Variants in CUBN observed in about 807,000 individuals in gnomAD.
CUBN encodes the protein cubilin.
Under a neutral mutation model 405.3 loss-of-function variants are expected in CUBN, and 282 were observed. The observed-to-expected ratio is 0.70, with a 90% CI of 0.63 to 0.77. The LOEUF is 0.77. CUBN is among the 30% of genes least tolerant of loss of function. The probability of loss-of-function intolerance (pLI) is 0.00; values close to 1 mark genes in which losing one functional copy is unlikely to be tolerated. For synonymous variants in CUBN, 1,684 were observed against 1,617.0 expected (o/e 1.04, Z -0.99); for missense variants, 4,514 against 4,475.2 (o/e 1.01, Z -0.25).
chr10:16,971,019 A>G (rs1832913910), intron 31 of CUBN, among the ~76,000 whole-genome samples: 1 of 152,208 alleles, frequency 6.6e-6, no homozygotes, highest in Non-Finnish European at 1.5e-5. Flanking sequence ...CCAAATTGTT[A>G]TAGAAGTTTT....
rs554198454 is a variant in CUBN at position 16,875,915 on chromosome 10, G to A, written c.9106+982C>T. ...CATCCTTCTCTTTATTCAACAAGAC[G>A]ACGGGAGAGGAAACGTTAATTGCGT... On this transcript the variant is annotated intron_variant, in intron 57 of 66. Coordinates refer to ENST00000377833, the MANE Select transcript of CUBN (RefSeq NM_001081.4). Among the ~76,000 whole-genome samples, 7 of 152,278 alleles carry A rather than the reference G, an allele frequency of 4.6e-5. No homozygotes were observed. The South Asian group carries it at 6.2e-4, about 14-fold the overall frequency.
Position 16,824,107 on chromosome 10 carries a change from T to C in CUBN, c.*868A>G, listed in dbSNP as rs1838703018. 1 of 152,216 alleles carries C rather than the reference T, an allele frequency of 6.6e-6. No homozygotes were observed. The highest frequency in any genetic ancestry group is 2.1e-4 in the South Asian group (1 of 4,832). 9.4% of individuals were successfully genotyped at this position (152,216 alleles called of 1,614,324 possible). A position where few individuals can be genotyped will look rare whatever the true frequency, so the allele number is the denominator to read the frequency against. On this transcript the variant is annotated 3_prime_UTR_variant, in exon 67 of 67. Transcript: ENST00000377833. ...GTCTGTCACCCAGGCTGGAGTACAGTGGTTAATTCACAGGGTTTCACTGCA... is the reference window on the plus strand; with the variant it reads ...GTCTGTCACCCAGGCTGGAGTACAGCGGTTAATTCACAGGGTTTCACTGCA...
At chr10:17,125,440 T>A (rs1837157872) in intron 4 of CUBN, among the ~76,000 whole-genome samples, 1 of 152,214 alleles carries the variant, frequency 6.6e-6, no homozygotes, top group African/African-American at 2.4e-5. Flanking sequence ...GGTCTCTTTA[T>A]GAACCCTGTT....
At chr10:17,124,233 T>C (rs1364019941) in intron 4 of CUBN, among the ~76,000 whole-genome samples, 2 of 152,058 alleles carry the variant, frequency 1.3e-5, no homozygotes, top group Non-Finnish European at 2.9e-5. Context: ...AAGACATATC[T>C]TTCACCCTGG....
At chr10:17,055,118 T>C (rs964593323) in intron 22 of CUBN, among the ~76,000 whole-genome samples, 6 of 151,990 alleles carry the variant, frequency 3.9e-5, no homozygotes, top group African/African-American at 9.7e-5. Context: ...TACACAAGAT[T>C]GGTTTGACAG....
chr10:17,065,588 A>C lies in CUBN; in HGVS notation c.3059T>G (p.Leu1020Trp). 1 of 1,613,736 alleles carries C rather than the reference A, an allele frequency of 6.2e-7. No individual in the cohort carries two copies. The highest frequency in any genetic ancestry group is 8.5e-7 in the Non-Finnish European group (1 of 1,179,662). The change falls in exon 22 of 67, where the codon TTG becomes TGG. Residue 1020 changes from leucine to tryptophan, a missense_variant. Physicochemically the swap from Leu to Trp is moderately conservative, Grantham distance 61. Transcript: ENST00000377833. ...GGAGTCAGTCACAAACACCAGCATC[A>C]ATGAGTTACCACTGCTTGTGAGAGA... ...PPSLTSSGNS[L>W]MLVFVTDSDL...
intron 14 of CUBN, among the ~76,000 whole-genome samples, chr10:17,097,975 T>G (rs1212324232): frequency 6.6e-6 from 1 of 152,106 alleles, no homozygotes; most frequent in Non-Finnish European, 1.5e-5. Flanking sequence ...ACCCATTGAG[T>G]ATGGCAGAAA....
intron 17 of CUBN, among the ~76,000 whole-genome samples, chr10:17,074,998 G>A (rs996149249): frequency 1.3e-5 from 2 of 151,760 alleles, no homozygotes; most frequent in Non-Finnish European, 2.9e-5. Flanking sequence ...ACATTTAAGC[G>A]GAGACTTGAA....
At position 17,085,725 on chromosome 10, in the gene CUBN, A is replaced by G. The variant is rs755293490; in HGVS notation, c.1982T>C (p.Leu661Pro). Residue 661 changes from leucine to proline, a missense_variant, in exon 16 of 67, where the codon CTT becomes CCT. Around this residue, in one of 5 missense-constraint regions of CUBN, gnomAD observed 1,448 missense variants for 1,388.0 expected, o/e 1.04. Coordinates refer to ENST00000377833, the MANE Select transcript of CUBN (RefSeq NM_001081.4). Reference protein sequence around the residue: ...RDGPLYQDPLLGKFCTTFSVP... With the variant: ...RDGPLYQDPLPGKFCTTFSVP... ...AGAGAAAGTGGTGCAGAACTTCCCA[A>G]GAAGGGGGTCCTGATACAAAGGACC... is the stretch of plus-strand genomic sequence containing the variant. The G allele has an allele frequency of 1.2e-6, 2 of 1,614,094 alleles. No individual in the cohort carries two copies. The highest frequency in any genetic ancestry group is 1.7e-6 in the Non-Finnish European group (2 of 1,179,972).
At chr10:17,025,181 T>C (rs1834624894) in intron 27 of CUBN, among the ~76,000 whole-genome samples, 1 of 152,222 alleles carries the variant, frequency 6.6e-6, no homozygotes, top group African/African-American at 2.4e-5. Flanking sequence ...GAATCCCCTA[T>C]TCTTTCTATA....
chr10:17,013,939 T>G (rs1202665027), intron 28 of CUBN, among the ~76,000 whole-genome samples: 1 of 152,222 alleles, frequency 6.6e-6, no homozygotes, highest in Non-Finnish European at 1.5e-5. Context: ...AAATCTGGAC[T>G]ATAATTTGTT....
chr10:17,079,364 T>C (rs887566403), intron 17 of CUBN, among the ~76,000 whole-genome samples: 11 of 151,236 alleles, frequency 7.3e-5, no homozygotes, highest in African/African-American at 2.4e-4. Context: ...GCCTCCCAAG[T>C]AGCTGGGATT....
At chr10:16,858,821 T>C (rs1037959210) in intron 59 of CUBN, among the ~76,000 whole-genome samples, 2 of 152,220 alleles carry the variant, frequency 1.3e-5, no homozygotes, top group Non-Finnish European at 2.9e-5. Context: ...AATAGACCTA[T>C]ACAAATATGT....
At chr10:17,039,204 C>G (rs557644991) in intron 27 of CUBN, among the ~76,000 whole-genome samples, 1 of 152,288 alleles carries the variant, frequency 6.6e-6, no homozygotes, top group Non-Finnish European at 1.5e-5. Flanking sequence ...ATACGTGCAA[C>G]GCTCGGCAAG....
chr10:17,095,252 T>G (rs1057321979), intron 14 of CUBN, among the ~76,000 whole-genome samples: 11 of 151,816 alleles, frequency 7.2e-5, no homozygotes, highest in Non-Finnish European at 1.2e-4. Flanking sequence ...CAAAGTCAAC[T>G]CAAAATTAAA....
At chr10:16,932,628 G>A (rs1002703893) in intron 40 of CUBN, among the ~76,000 whole-genome samples, 1 of 152,066 alleles carries the variant, frequency 6.6e-6, no homozygotes, top group Non-Finnish European at 1.5e-5. Context: ...GTCTCATTCT[G>A]CTGCCCAGGC....
chr10:16,831,852 G>GTA (rs1341938703), intron 64 of CUBN, among the ~76,000 whole-genome samples: 1 of 152,126 alleles, frequency 6.6e-6, no homozygotes, highest in Non-Finnish European at 1.5e-5. Flanking sequence ...GTTTGTGTAT[G>GTA]TGTGTGTGTG....
intron 34 of CUBN, among the ~76,000 whole-genome samples, chr10:16,949,591 T>A (rs7901441): frequency 0.51 from 76,882 of 151,488 alleles, 19,745 homozygotes; most frequent in Non-Finnish European, 0.54. Context: ...TAATTAATTA[T>A]CTAATTAAGT....
intron 56 of CUBN, among the ~76,000 whole-genome samples, chr10:16,879,926 T>C (rs546981459): frequency 6.6e-6 from 1 of 152,302 alleles, no homozygotes; most frequent in East Asian, 1.9e-4. Context: ...AAGCCATCTC[T>C]CTTTCTGATG....
Sources: allele counts gnomAD v4.1 joint callset (sites outside exome capture counted in the v4.1 genomes callset), GRCh38; gene constraint gnomAD v4.1.1; regional missense constraint gnomAD v4.1.1; transcripts MANE v1.5; gene names NCBI Gene and HGNC (gene_info 2026-07-23, HGNC 2026-07-21).